SLC24A2: variants seen among roughly 807,000 people sequenced by gnomAD.
The protein encoded by SLC24A2 is solute carrier family 24 member 2.
Under a neutral mutation model 62.0 loss-of-function variants are expected in SLC24A2, and 36 were observed. The ratio of observed to expected loss-of-function variants is 0.58; its 90% CI spans 0.44 to 0.77. The LOEUF (loss-of-function observed/expected upper bound fraction) is 0.77, where lower values mean the gene tolerates loss of function less well. Among genes scored for constraint, SLC24A2 ranks in the 30% least tolerant of loss-of-function variants. The pLI is 0.00. For missense variants in SLC24A2, 846 were observed against 817.9 expected (o/e 1.03, Z -0.42); for synonymous variants, 358 against 294.0 (o/e 1.22, Z -2.23).
chr9:19,750,741 G>T (rs1410775146), intron 2 of SLC24A2, among the ~76,000 whole-genome samples: 2 of 152,104 alleles, frequency 1.3e-5, no homozygotes, highest in Non-Finnish European at 2.9e-5. Context: ...GTCCTTCAAG[G>T]TCTGGCTTTG....
At chr9:19,667,062 G>A (rs1263460902) in intron 2 of SLC24A2, among the ~76,000 whole-genome samples, 1 of 152,048 alleles carries the variant, frequency 6.6e-6, no homozygotes, top group Non-Finnish European at 1.5e-5. Flanking sequence ...CATAAATCTA[G>A]ATGCCATTAT....
the SLC24A2 span, among the ~76,000 whole-genome samples, chr9:20,106,712 G>A: frequency 2.0e-5 from 3 of 152,030 alleles, no homozygotes; most frequent in African/African-American, 7.3e-5. Context: ...AATAATAAGA[G>A]CTATCTATGA....
intron 8 of SLC24A2, among the ~76,000 whole-genome samples, chr9:19,546,075 C>A (rs560659563): frequency 1.3e-5 from 2 of 152,208 alleles, no homozygotes; most frequent in African/African-American, 2.4e-5. Context: ...TCCTCTGGAA[C>A]CTTTGTCTCA....
chr9:19,575,732 G>C (rs1835990577), intron 6 of SLC24A2, among the ~76,000 whole-genome samples: 1 of 152,150 alleles, frequency 6.6e-6, no homozygotes, highest in Admixed American at 6.5e-5. Context: ...GTCATTAGGA[G>C]GAGGAGGACT....
At chr9:19,535,018 C>G (rs1278557226) in intron 8 of SLC24A2, among the ~76,000 whole-genome samples, 1 of 152,158 alleles carries the variant, frequency 6.6e-6, no homozygotes, top group African/African-American at 2.4e-5. Context: ...TCTCCAGCAC[C>G]TGTTGTTTCC....
the SLC24A2 span, among the ~76,000 whole-genome samples, chr9:19,825,376 A>G: frequency 2.6e-3 from 389 of 152,268 alleles, 2 homozygotes; most frequent in African/African-American, 8.8e-3. Flanking sequence ...CACTGACAAG[A>G]CTAAGGTGGG....
chr9:19,532,816 G>T (rs1219798186), intron 8 of SLC24A2, among the ~76,000 whole-genome samples: 3 of 152,188 alleles, frequency 2.0e-5, no homozygotes, highest in African/African-American at 7.2e-5. Context: ...CAAACATCTA[G>T]CTGGGTTCTC....
At chr9:20,222,714 A>C in the SLC24A2 span, among the ~76,000 whole-genome samples, 1 of 152,144 alleles carries the variant, frequency 6.6e-6, no homozygotes, top group East Asian at 1.9e-4. Context: ...GTACAGATTA[A>C]AGGAGATTAG....
chr9:19,828,026 TAAC>T, the SLC24A2 span, among the ~76,000 whole-genome samples: 1 of 152,196 alleles, frequency 6.6e-6, no homozygotes, highest in South Asian at 2.1e-4. Context: ...GATTAATTTT[TAAC>T]AACCCAGCCT....
At chr9:19,803,284 G>A in the SLC24A2 span, among the ~76,000 whole-genome samples, 1 of 152,134 alleles carries the variant, frequency 6.6e-6, no homozygotes. Flanking sequence ...AGCTTCATCT[G>A]CTCTATATAA....
chr9:20,293,141 G>A, the SLC24A2 span, among the ~76,000 whole-genome samples: 1 of 152,208 alleles, frequency 6.6e-6, no homozygotes, highest in Non-Finnish European at 1.5e-5. Flanking sequence ...TTAGGGACCA[G>A]TCCTACTCTT....
intron 9 of SLC24A2, among the ~76,000 whole-genome samples, chr9:19,523,096 C>A (rs945706857): frequency 3.3e-5 from 5 of 152,174 alleles, no homozygotes; most frequent in African/African-American, 1.2e-4. Flanking sequence ...GCACGAGGAT[C>A]ACTTGAGCCT....
At chr9:19,859,789 A>G in the SLC24A2 span, among the ~76,000 whole-genome samples, 1 of 152,022 alleles carries the variant, frequency 6.6e-6, no homozygotes, top group Non-Finnish European at 1.5e-5. Flanking sequence ...TGCTCTGGGG[A>G]GTGTGAGAGC....
the SLC24A2 span, among the ~76,000 whole-genome samples, chr9:19,969,183 C>CACACACACACACA: frequency 8.2e-6 from 1 of 122,182 alleles, no homozygotes; most frequent in African/African-American, 3.1e-5. Flanking sequence ...ACCTCCTTTG[C>CACACACACACACA]CACACACACA....
At position 19,768,136 on chromosome 9, in the gene SLC24A2, C is replaced by T. The variant is rs138125143; in HGVS notation, c.930+17801G>A. On this transcript the variant is annotated intron_variant, in intron 2 of 10. Transcript: ENST00000341998. Reference sequence around the variant, plus strand: ...TCAAGACCCAATCACCTCTTAAAGGCCCCACCTCTCAATACTGCCACATTG... The same window carrying T: ...TCAAGACCCAATCACCTCTTAAAGGTCCCACCTCTCAATACTGCCACATTG... 9.2e-3 allele frequency among the ~76,000 whole-genome samples: 1,397 copies of T among 152,318 alleles called. 23 individuals are homozygous for T. Among genetic ancestry groups the T allele is most frequent in the South Asian group, 0.063 (304 of 4,820 alleles).
chr9:20,153,907 C>T, the SLC24A2 span, among the ~76,000 whole-genome samples: 2 of 151,628 alleles, frequency 1.3e-5, no homozygotes, highest in African/African-American at 4.8e-5. Context: ...AATATTTTTG[C>T]TGGAAAAAAG....
the SLC24A2 span, among the ~76,000 whole-genome samples, chr9:20,296,280 C>A: frequency 2.0e-5 from 3 of 152,200 alleles, no homozygotes; most frequent in African/African-American, 4.8e-5. Flanking sequence ...CACAAGAAAT[C>A]TCCCCTGCCA....
intron 2 of SLC24A2, among the ~76,000 whole-genome samples, chr9:19,718,781 A>C (rs768514845): frequency 6.9e-4 from 105 of 152,116 alleles, no homozygotes; most frequent in Admixed American, 2.3e-3. Flanking sequence ...GCTTTCTTTT[A>C]GTTCATTGAA....
chr9:20,136,050 T>G, the SLC24A2 span, among the ~76,000 whole-genome samples: 1 of 152,068 alleles, frequency 6.6e-6, no homozygotes, highest in Non-Finnish European at 1.5e-5. Context: ...TCTTTGCATT[T>G]GAGGGGTCTA....
Sources: gnomAD v4.1 joint callset for allele counts (sites outside exome capture counted in the v4.1 genomes callset) on GRCh38, gnomAD v4.1.1 for gene constraint, MANE v1.5 for transcripts, NCBI Gene and HGNC (gene_info 2026-07-23, HGNC 2026-07-21) for gene names.